HDHD2: variants seen among roughly 807,000 people sequenced by gnomAD.
HDHD2 encodes haloacid dehalogenase like hydrolase domain containing 2, also known as haloacid dehalogenase-like hydrolase domain-containing protein 2.
In HDHD2, 26 loss-of-function variants were observed where a neutral mutation model predicts 24.8. The ratio of observed to expected loss-of-function variants is 1.05; its 90% CI spans 0.77 to 1.45. The LOEUF is 1.45. HDHD2 is among the 40% of genes most tolerant of loss of function. HDHD2 has a pLI of 0.00. For synonymous variants in HDHD2, 128 were observed against 114.9 expected (o/e 1.11, Z -0.73); for missense variants, 299 against 313.4 (o/e 0.95, Z 0.35).
chr18:47,127,413 C>A (rs943231924), intron 4 of HDHD2, among the ~76,000 whole-genome samples: 1 of 152,026 alleles, frequency 6.6e-6, no homozygotes, highest in African/African-American at 2.4e-5. Context: ...TGTTAACTGT[C>A]GTTCTCTTTA....
intron 4 of HDHD2, among the ~76,000 whole-genome samples, chr18:47,118,095 C>T (rs559797984): frequency 5.3e-5 from 8 of 152,048 alleles, no homozygotes; most frequent in Non-Finnish European, 1.0e-4. Context: ...GGTGAATAAA[C>T]AAAGTGTAAA....
chr18:47,111,896 T>C (rs1017324871), intron 6 of HDHD2: 28 of 656,784 alleles, frequency 4.3e-5, no homozygotes, highest in Non-Finnish European at 5.1e-5. Flanking sequence ...ACTTTATGTT[T>C]AAATATTCCC....
chr18:47,121,345 G>T (rs1204098714), intron 4 of HDHD2, among the ~76,000 whole-genome samples: 2 of 152,022 alleles, frequency 1.3e-5, no homozygotes, highest in African/African-American at 4.8e-5. Flanking sequence ...TCCCATCTCT[G>T]TAATTTCTCC....
intron 1 of HDHD2, among the ~76,000 whole-genome samples, chr18:47,146,970 T>C (rs1288172939): frequency 6.6e-6 from 1 of 152,208 alleles, no homozygotes; most frequent in Non-Finnish European, 1.5e-5. Context: ...TGCTTTTAAT[T>C]ATACTATAAT....
intron 5 of HDHD2, among the ~76,000 whole-genome samples, chr18:47,114,082 T>A (rs1405339216): frequency 6.6e-6 from 1 of 152,210 alleles, no homozygotes; most frequent in Non-Finnish European, 1.5e-5. Context: ...CCAGCTCAGA[T>A]AACCACTTTT....
intron 4 of HDHD2, among the ~76,000 whole-genome samples, chr18:47,123,294 A>G (rs1300403713): frequency 6.6e-6 from 1 of 152,220 alleles, no homozygotes. Flanking sequence ...TATGAAATTT[A>G]GCAAAATACA....
intron 6 of HDHD2, chr18:47,110,508 G>C (rs1308315739): frequency 1.0e-6 from 1 of 985,040 alleles, no homozygotes; most frequent in Admixed American, 6.1e-5. Flanking sequence ...AGTGGTCTAA[G>C]AGACAAATAA....
chr18:47,116,531 C>A (rs553675278), intron 4 of HDHD2, among the ~76,000 whole-genome samples: 1 of 152,292 alleles, frequency 6.6e-6, no homozygotes, highest in African/African-American at 2.4e-5. Context: ...ATTACAGGGC[C>A]TTACTGTTAG....
At chr18:47,127,877 C>T (rs1238362121) in intron 4 of HDHD2, among the ~76,000 whole-genome samples, 4 of 152,186 alleles carry the variant, frequency 2.6e-5, no homozygotes, top group Non-Finnish European at 5.9e-5. Context: ...CTTGATGTAA[C>T]ATGCCTCTGA....
intron 1 of HDHD2, among the ~76,000 whole-genome samples, chr18:47,139,575 T>A (rs1335837598): frequency 1.3e-5 from 2 of 150,740 alleles, no homozygotes; most frequent in African/African-American, 4.9e-5. Flanking sequence ...AAACCCAAAG[T>A]GGGACATGTG....
intron 1 of HDHD2, among the ~76,000 whole-genome samples, chr18:47,146,541 AAGACGTCTAT>A (rs1462636234): frequency 6.6e-6 from 1 of 152,206 alleles, no homozygotes; most frequent in African/African-American, 2.4e-5. Context: ...TACATGAACA[AAGACGTCTAT>A]AGCAGCACCA....
chr18:47,120,524 T>A lies in HDHD2; in HGVS notation c.396-5176A>T, dbSNP rs149670312. On this transcript the variant is annotated intron_variant, in intron 4 of 6. Coordinates refer to ENST00000300605, the MANE Select transcript of HDHD2 (RefSeq NM_032124.5). The stretch of plus-strand genomic sequence containing the variant: ...AGCTTCTATCCAGACCACAAAAGTT[T>A]CTCCGTATTAGTGATAAGGCTGTTT... Among the ~76,000 whole-genome samples, 124 of 152,356 alleles carry A rather than the reference T, an allele frequency of 8.1e-4. 1 individual carries two copies. In the East Asian group the frequency reaches 0.022, roughly 27 times the overall value.
intron 1 of HDHD2, among the ~76,000 whole-genome samples, chr18:47,140,425 T>C (rs1001785121): frequency 2.6e-5 from 4 of 152,360 alleles, no homozygotes; most frequent in Admixed American, 1.3e-4. Context: ...CTATATTAAA[T>C]TATTTTAAAT....
chr18:47,111,502 A>G (rs1377954583), intron 6 of HDHD2: 1 of 985,222 alleles, frequency 1.0e-6, no homozygotes, highest in Non-Finnish European at 1.2e-6. Flanking sequence ...GAAAACAAAG[A>G]TACATGGAGG....
intron 4 of HDHD2, among the ~76,000 whole-genome samples, chr18:47,129,975 G>A (rs2063697217): frequency 6.6e-6 from 1 of 152,124 alleles, no homozygotes; most frequent in Admixed American, 6.6e-5. Context: ...CGAGGCTGTG[G>A]TGAGCCATGA....
intron 1 of HDHD2, among the ~76,000 whole-genome samples, chr18:47,140,614 G>A (rs1037226004): frequency 3.3e-5 from 5 of 152,070 alleles, no homozygotes; most frequent in Non-Finnish European, 5.9e-5. Context: ...GACTGCCCAT[G>A]CTCAAGCAAT....
At chr18:47,115,671 GCTTAA>G in intron 4 of HDHD2, among the ~76,000 whole-genome samples, 1 of 152,268 alleles carries the variant, frequency 6.6e-6, no homozygotes, top group African/African-American at 2.4e-5. Flanking sequence ...CAGGGAAGAA[GCTTAA>G]CTTAATGAGA....
At chr18:47,113,166 G>C (rs2063529731) in intron 5 of HDHD2, 126 bp from the exon 6 acceptor site, 7 of 773,530 alleles carry the variant, frequency 9.0e-6, no homozygotes, top group Admixed American at 4.4e-5. Context: ...AAATAGAAAA[G>C]AGAAGATGTA....
At chr18:47,132,219 T>C (rs1293626713) in intron 3 of HDHD2, among the ~76,000 whole-genome samples, 1 of 152,234 alleles carries the variant, frequency 6.6e-6, no homozygotes, top group Non-Finnish European at 1.5e-5. Context: ...ATCTTACTTT[T>C]TTCATTTAAT....
Sources: gnomAD v4.1 joint callset for allele counts (sites outside exome capture counted in the v4.1 genomes callset) on GRCh38, gnomAD v4.1.1 for gene constraint, MANE v1.5 for transcripts, NCBI Gene and HGNC (gene_info 2026-07-23, HGNC 2026-07-21) for gene names.